Variants in EIPR1 observed in about 807,000 individuals in gnomAD.
EIPR1 encodes the protein EARP and GARP complex-interacting protein 1.
A neutral mutation model predicts 48.1 loss-of-function variants in EIPR1; 25 were observed. The observed-to-expected ratio is 0.52, with a 90% CI of 0.38 to 0.73. The LOEUF is 0.73. Among genes scored for constraint, EIPR1 ranks in the 30% least tolerant of loss-of-function variants. The pLI is 0.00. For synonymous variants in EIPR1, 204 were observed against 201.9 expected (o/e 1.01, Z -0.09); for missense variants, 415 against 506.2 (o/e 0.82, Z 1.73).
chr2:3,377,769 G>A lies in EIPR1; in HGVS notation c.-80C>T. ...GCCGGCGCGTCCCCACCTCGCGGGCGTGTTCCCAGCGCCCATTCATTCCCT... is the reference window on the plus strand; with the variant it reads ...GCCGGCGCGTCCCCACCTCGCGGGCATGTTCCCAGCGCCCATTCATTCCCT... On this transcript the variant is annotated 5_prime_UTR_variant, in exon 1 of 9. The change creates a new upstream start codon in the 5' untranslated region. Coordinates refer to ENST00000382125, the MANE Select transcript of EIPR1 (RefSeq NM_003310.5). 2.0e-6 allele frequency: 3 copies of A among 1,514,800 alleles called. No homozygotes were observed. The highest frequency in any genetic ancestry group is 2.7e-6 in the Non-Finnish European group (3 of 1,118,232). 93.8% of individuals were successfully genotyped at this position (1,514,800 alleles called of 1,614,324 possible).
intron 4 of EIPR1, among the ~76,000 whole-genome samples, chr2:3,222,749 T>A (rs914774451): frequency 5.3e-5 from 8 of 152,182 alleles, no homozygotes; most frequent in African/African-American, 1.7e-4. Flanking sequence ...TGAAAACCTG[T>A]CACCTGGGTA....
intron 4 of EIPR1, among the ~76,000 whole-genome samples, chr2:3,254,288 T>C (rs1667088962): frequency 1.3e-5 from 2 of 152,170 alleles, no homozygotes; most frequent in African/African-American, 4.8e-5. Context: ...TCACGCTCTG[T>C]CATGGCATCA....
intron 3 of EIPR1, among the ~76,000 whole-genome samples, chr2:3,263,336 C>T (rs758447693): frequency 6.6e-6 from 1 of 152,218 alleles, no homozygotes; most frequent in Non-Finnish European, 1.5e-5. Context: ...GACCCACCCA[C>T]AGTATTGCAT....
At chr2:3,202,148 A>T (rs68118285) in intron 5 of EIPR1, among the ~76,000 whole-genome samples, 1 of 152,176 alleles carries the variant, frequency 6.6e-6, no homozygotes, top group South Asian at 2.1e-4. Flanking sequence ...CATGTTAGCC[A>T]GGATGGTCTC....
intron 4 of EIPR1, among the ~76,000 whole-genome samples, chr2:3,248,480 G>C (rs1666908878): frequency 6.6e-6 from 1 of 152,186 alleles, no homozygotes; most frequent in Non-Finnish European, 1.5e-5. Flanking sequence ...TGTAATCCCA[G>C]CTACCCAGGA....
chr2:3,336,833 G>GAA (rs1391704484), intron 3 of EIPR1, among the ~76,000 whole-genome samples: 2 of 122,428 alleles, frequency 1.6e-5, no homozygotes, highest in Admixed American at 1.8e-4. Context: ...AAAGGGAAGG[G>GAA]AAGGGAAAGG....
chr2:3,354,814 A>T (rs753041928), intron 1 of EIPR1, among the ~76,000 whole-genome samples, 181 bp from the exon 2 acceptor site: 1 of 152,262 alleles, frequency 6.6e-6, no homozygotes, highest in Non-Finnish European at 1.5e-5. Flanking sequence ...CACACTTTCA[A>T]CACAATTCCA....
intron 3 of EIPR1, among the ~76,000 whole-genome samples, chr2:3,268,218 G>A (rs1293421946): frequency 1.3e-5 from 2 of 152,184 alleles, no homozygotes; most frequent in Non-Finnish European, 2.9e-5. Flanking sequence ...CGGGAGGCCT[G>A]GGGCCCGCGC....
chr2:3,307,553 C>T (rs1276937260), intron 3 of EIPR1, among the ~76,000 whole-genome samples: 1 of 152,216 alleles, frequency 6.6e-6, no homozygotes, highest in Non-Finnish European at 1.5e-5. Flanking sequence ...AAACAAGAGC[C>T]CCGCCCTGCC....
chr2:3,225,470 T>C (rs1666034481), intron 4 of EIPR1, among the ~76,000 whole-genome samples: 1 of 152,152 alleles, frequency 6.6e-6, no homozygotes, highest in African/African-American at 2.4e-5. Flanking sequence ...AGTCTCGAAC[T>C]CCTGGGCTCA....
chr2:3,248,498 G>A (rs1044388512), intron 4 of EIPR1, among the ~76,000 whole-genome samples: 8 of 152,214 alleles, frequency 5.3e-5, no homozygotes, highest in African/African-American at 1.7e-4. Flanking sequence ...GGAGGCTGAG[G>A]CAGGACAATC....
intron 2 of EIPR1, among the ~76,000 whole-genome samples, chr2:3,353,581 TTC>T (rs1011639615): frequency 3.3e-5 from 5 of 152,240 alleles, no homozygotes; most frequent in African/African-American, 1.2e-4. Flanking sequence ...CATTTTGATA[TTC>T]TGATTGCTTG....
intron 4 of EIPR1, among the ~76,000 whole-genome samples, chr2:3,236,863 GC>G (rs1423129435): frequency 1.3e-5 from 2 of 152,204 alleles, no homozygotes; most frequent in Non-Finnish European, 2.9e-5. Flanking sequence ...TCTGCACGTG[GC>G]CTGAAAGCTC....
intron 1 of EIPR1, among the ~76,000 whole-genome samples, chr2:3,361,419 CCTCT>C (rs1558320129): frequency 6.6e-6 from 1 of 151,956 alleles, no homozygotes; most frequent in Non-Finnish European, 1.5e-5. Flanking sequence ...TCTGCTCTCA[CCTCT>C]CTCTCTTCTC....
intron 2 of EIPR1, among the ~76,000 whole-genome samples, chr2:3,338,489 C>G (rs910825807): frequency 1.3e-5 from 2 of 152,196 alleles, no homozygotes; most frequent in Non-Finnish European, 2.9e-5. Flanking sequence ...CAGAGCTGCC[C>G]AGGGCTGTCC....
Position 3,224,811 on chromosome 2 carries a change from A to G in EIPR1, c.417-10563T>C, listed in dbSNP as rs149463885. Among the ~76,000 whole-genome samples the G allele has an allele frequency of 9.7e-4, 148 of 152,294 alleles. 3 individuals carry two copies. The East Asian group carries it at 0.024, about 25-fold the overall frequency. ...CTGGCAATGCCACCGGCAATGCCACAACCTGCCGGAACCCCTGTTACATCT... is the reference window on the plus strand; with the variant it reads ...CTGGCAATGCCACCGGCAATGCCACGACCTGCCGGAACCCCTGTTACATCT... On this transcript the variant is annotated intron_variant, in intron 4 of 8. Coordinates refer to ENST00000382125, the MANE Select transcript of EIPR1 (RefSeq NM_003310.5).
chr2:3,287,677 G>A (rs1668241372), intron 3 of EIPR1, among the ~76,000 whole-genome samples: 1 of 150,698 alleles, frequency 6.6e-6, no homozygotes. Context: ...CGGAAAGCGC[G>A]TTCACCACGC....
chr2:3,204,889 G>A (rs1201305339), intron 5 of EIPR1, among the ~76,000 whole-genome samples: 6 of 152,104 alleles, frequency 3.9e-5, no homozygotes, highest in East Asian at 1.9e-4. Context: ...CGTGTAGGCC[G>A]TGCTCACAGC....
intron 3 of EIPR1, among the ~76,000 whole-genome samples, chr2:3,290,514 G>C (rs1668334123): frequency 6.6e-6 from 1 of 152,194 alleles, no homozygotes. Flanking sequence ...GCAGCAATCA[G>C]CTGTAGCTTG....
Sources: allele counts gnomAD v4.1 joint callset (sites outside exome capture counted in the v4.1 genomes callset), GRCh38; gene constraint gnomAD v4.1.1; transcripts MANE v1.5; gene names NCBI Gene and HGNC (gene_info 2026-07-23, HGNC 2026-07-21).